The following CTNNBL1 variants were observed in gnomAD, a reference collection of about 807,000 sequenced individuals.
The protein encoded by CTNNBL1 is catenin beta like 1, also known as beta-catenin-like protein 1.
A neutral mutation model predicts 72.7 loss-of-function variants in CTNNBL1; 31 were observed. That is an observed-to-expected ratio of 0.43 (90% CI 0.32 to 0.58). CTNNBL1 has a LOEUF of 0.58. Ranked by LOEUF, CTNNBL1 falls within the 20% of genes least tolerant of loss-of-function variation. The pLI, the probability that CTNNBL1 is intolerant of heterozygous loss-of-function variation, is 0.08. For missense variants in CTNNBL1, 534 were observed against 725.1 expected (o/e 0.74, Z 3.03); for synonymous variants, 240 against 267.3 (o/e 0.90, Z 1.00).
chr20:37,746,516 C>A lies in CTNNBL1; in HGVS notation c.375C>A (p.His125Gln), dbSNP rs147906955. 6.2e-7 allele frequency: 1 copy of A among 1,613,946 alleles called. No individual in the cohort carries two copies. The highest frequency in any genetic ancestry group is 8.5e-7 in the Non-Finnish European group (1 of 1,179,974). ...TAAATGACATCATTCAGGAGATGCA[C>A]GTGGTGGCCACCATGCCAGACCTGT... The part of the protein sequence containing the change: ...LDLNDIIQEM[H>Q]VVATMPDLYH... The change falls in exon 4 of 16, where the codon CAC (histidine) becomes CAA (glutamine). Residue 125 changes from histidine to glutamine, a missense_variant. Physicochemically the swap from His to Gln is conservative, Grantham distance 24 (BLOSUM62 0). Coordinates refer to ENST00000361383, the MANE Select transcript of CTNNBL1 (RefSeq NM_030877.5).
intron 11 of CTNNBL1, among the ~76,000 whole-genome samples, chr20:37,813,971 C>T (rs921169919): frequency 2.0e-5 from 3 of 152,200 alleles, no homozygotes; most frequent in African/African-American, 7.2e-5. Flanking sequence ...GTTCTTTGTC[C>T]GCTAATAGGC....
At chr20:37,736,617 T>C (rs542114545) in intron 2 of CTNNBL1, among the ~76,000 whole-genome samples, 116 of 152,218 alleles carry the variant, frequency 7.6e-4, no homozygotes, top group Non-Finnish European at 1.5e-3. Context: ...CTCGGCTCAC[T>C]GCAACCTCTG....
chr20:37,704,465 A>G (rs2072868931), intron 1 of CTNNBL1, among the ~76,000 whole-genome samples: 2 of 152,076 alleles, frequency 1.3e-5, no homozygotes, highest in East Asian at 1.9e-4. Flanking sequence ...CTGTAATCCC[A>G]GCACTTTGGG....
intron 10 of CTNNBL1, among the ~76,000 whole-genome samples, chr20:37,795,211 T>G (rs1027973936): frequency 1.3e-5 from 2 of 151,820 alleles, no homozygotes; most frequent in Non-Finnish European, 1.5e-5. Flanking sequence ...CTCAGCTCAC[T>G]GAAGCCTCTG....
rs1439956549 is a variant in CTNNBL1 at position 37,731,231 on chromosome 20, A to G, written c.31-1648A>G. Reference sequence around the variant, plus strand: ...TCACTAAAGCTTATCTTCCTGTTTAACTGAAACTTTTTTTTTTTTTTGAGA... The same window carrying G: ...TCACTAAAGCTTATCTTCCTGTTTAGCTGAAACTTTTTTTTTTTTTTGAGA... On this transcript the variant is annotated intron_variant, in intron 1 of 15. Transcript: ENST00000361383. 3.3e-5 allele frequency among the ~76,000 whole-genome samples: 5 copies of G among 151,560 alleles called. No homozygotes were observed. In the East Asian group the frequency reaches 9.7e-4, roughly 29 times the overall value.
At chr20:37,857,248 C>T (rs549758086) in intron 13 of CTNNBL1, among the ~76,000 whole-genome samples, 13 of 152,310 alleles carry the variant, frequency 8.5e-5, no homozygotes, top group African/African-American at 2.6e-4. Context: ...ATGACTACCT[C>T]GTGAACATTA....
chr20:37,775,953 G>A (rs2073569890), intron 7 of CTNNBL1, among the ~76,000 whole-genome samples: 1 of 152,142 alleles, frequency 6.6e-6, no homozygotes, highest in African/African-American at 2.4e-5. Context: ...AAATATAATA[G>A]CAGTACTTGG....
chr20:37,849,421 G>A (rs1600527483), intron 13 of CTNNBL1, among the ~76,000 whole-genome samples: 1 of 152,130 alleles, frequency 6.6e-6, no homozygotes, highest in Non-Finnish European at 1.5e-5. Flanking sequence ...CCCTCGTGAT[G>A]TACAAAAGCC....
chr20:37,787,370 A>G, intron 10 of CTNNBL1, among the ~76,000 whole-genome samples: 3 of 102,618 alleles, frequency 2.9e-5, no homozygotes, highest in South Asian at 3.5e-4. Flanking sequence ...TTTGAGACGG[A>G]GTCTCGCTCT....
At chr20:37,870,336 G>A (rs554278488) in intron 15 of CTNNBL1, among the ~76,000 whole-genome samples, 151 of 152,004 alleles carry the variant, frequency 9.9e-4, no homozygotes, top group African/African-American at 3.4e-3. Flanking sequence ...TCCCTTCCCC[G>A]AATACACCCA....
intron 12 of CTNNBL1, among the ~76,000 whole-genome samples, chr20:37,841,304 G>A (rs1287002839): frequency 1.3e-5 from 2 of 152,192 alleles, no homozygotes; most frequent in African/African-American, 4.8e-5. Context: ...TTAGGACACG[G>A]AGATCTTAGT....
intron 15 of CTNNBL1, among the ~76,000 whole-genome samples, chr20:37,864,981 A>G (rs1267214052): frequency 6.6e-6 from 1 of 152,116 alleles, no homozygotes; most frequent in African/African-American, 2.4e-5. Flanking sequence ...ACTGAGACTC[A>G]CTGAGCTTAG....
chr20:37,707,777 C>T (rs536474796), intron 1 of CTNNBL1, among the ~76,000 whole-genome samples: 1 of 152,342 alleles, frequency 6.6e-6, no homozygotes, highest in Non-Finnish European at 1.5e-5. Flanking sequence ...CTTTCAACAT[C>T]CTTTCCTCAC....
At chr20:37,694,400 C>T (rs149140718) in intron 1 of CTNNBL1, among the ~76,000 whole-genome samples, 704 of 152,306 alleles carry the variant, frequency 4.6e-3, no homozygotes, top group Non-Finnish European at 6.8e-3. Flanking sequence ...TTCCCTGAAA[C>T]TCCTCTGAAA....
rs1295150504 is a variant in CTNNBL1 at position 37,733,008 on chromosome 20, G to A, written c.160G>A (p.Asp54Asn). The A allele has an allele frequency of 1.2e-6, 2 of 1,613,956 alleles. No individual in the cohort carries two copies. The highest frequency in any genetic ancestry group is 3.3e-5 in the Admixed American group (2 of 60,020). The change falls in exon 2 of 16, where the codon GAT (aspartate) becomes AAT (asparagine). Residue 54 changes from aspartate to asparagine, a missense_variant. Coordinates refer to ENST00000361383, the MANE Select transcript of CTNNBL1 (RefSeq NM_030877.5). The part of the protein sequence containing the change: ...EEMTVVEEAD[D>N]DKKRLLQIID... ...AATGACTGTGGTGGAGGAAGCGGATGATGACAAAAAAAGGCTGCTGCAGAT... is the reference window on the plus strand; with the variant it reads ...AATGACTGTGGTGGAGGAAGCGGATAATGACAAAAAAAGGCTGCTGCAGAT...
intron 9 of CTNNBL1, among the ~76,000 whole-genome samples, chr20:37,778,634 C>A (rs890534498): frequency 6.6e-6 from 1 of 152,284 alleles, no homozygotes; most frequent in East Asian, 1.9e-4. Flanking sequence ...AGCCCCAGCT[C>A]CCCTGTGAGG....
chr20:37,715,915 C>T (rs8122575), intron 1 of CTNNBL1, among the ~76,000 whole-genome samples: 7,011 of 152,128 alleles, frequency 0.046, 562 homozygotes, highest in African/African-American at 0.16. Context: ...AGGAAACTTG[C>T]TTATGAAAAT....
At chr20:37,755,877 C>T (rs897473938) in intron 4 of CTNNBL1, among the ~76,000 whole-genome samples, 12 of 152,190 alleles carry the variant, frequency 7.9e-5, no homozygotes, top group Non-Finnish European at 1.8e-4. Flanking sequence ...GTGCCACCCC[C>T]GTCCCTCATG....
chr20:37,856,128 T>G (rs950247822), intron 13 of CTNNBL1, among the ~76,000 whole-genome samples: 3 of 150,566 alleles, frequency 2.0e-5, no homozygotes, highest in African/African-American at 7.3e-5. Flanking sequence ...TCTCAGCTAC[T>G]TGGGAGGCTG....
Sources: gnomAD v4.1 joint callset for allele counts (sites outside exome capture counted in the v4.1 genomes callset) on GRCh38, gnomAD v4.1.1 for gene constraint, MANE v1.5 for transcripts, NCBI Gene and HGNC (gene_info 2026-07-23, HGNC 2026-07-21) for gene names.